The following MGST1 variants were observed in gnomAD, a reference collection of about 807,000 sequenced individuals.
MGST1 encodes glutathione S-transferase 12.
MGST1 carries 5 observed loss-of-function variants against 8.9 expected under a neutral mutation model. The ratio of observed to expected loss-of-function variants is 0.56; its 90% CI spans 0.29 to 1.19. The LOEUF (loss-of-function observed/expected upper bound fraction) is 1.19. Among genes scored for constraint, MGST1 ranks in the 50% most tolerant of loss-of-function variants. The pLI is 0.08. For missense variants in MGST1, 182 were observed against 187.4 expected (o/e 0.97, Z 0.17); for synonymous variants, 54 against 67.8 (o/e 0.80, Z 1.00).
intron 4 of MGST1, among the ~76,000 whole-genome samples, chr12:16,521,511 G>A (rs1941648175): frequency 6.6e-6 from 1 of 152,066 alleles, no homozygotes; most frequent in Non-Finnish European, 1.5e-5. Flanking sequence ...GTTTAAGGCA[G>A]TAAAGAGTTT....
At chr12:16,420,990 A>G (rs1940830993) in intron 1 of MGST1, among the ~76,000 whole-genome samples, 1 of 152,146 alleles carries the variant, frequency 6.6e-6, no homozygotes, top group Non-Finnish European at 1.5e-5. Flanking sequence ...CGTCTCTGCA[A>G]TTGGTCTCAA....
rs775022234 is a variant in MGST1, at chr12:16,354,272, T to C, written c.20T>C (p.Val7Ala). Reference sequence around the variant, plus strand: ...GAAAAAATGGTTGACCTCACCCAGGTAATGGATGATGAAGTATTCATGGCT... The same window carrying C: ...GAAAAAATGGTTGACCTCACCCAGGCAATGGATGATGAAGTATTCATGGCT... MVDLTQ[V>A]MDDEVFMAFA... is the part of the protein sequence containing the mutation. The change falls in exon 2 of 4, where the codon GTA (valine) becomes GCA (alanine). Residue 7 changes from valine (V) to alanine (A), a missense_variant. Physicochemically the swap from Val to Ala is moderately conservative, Grantham distance 64 (BLOSUM62 0). Transcript: ENST00000396210. 1 of 1,602,744 alleles carries C rather than the reference T, an allele frequency of 6.2e-7. No homozygotes were observed. Among genetic ancestry groups the C allele is most frequent in the Non-Finnish European group, 8.5e-7 (1 of 1,176,768 alleles).
At chr12:16,495,934 C>T (rs187813800) in intron 4 of MGST1, among the ~76,000 whole-genome samples, 15 of 152,022 alleles carry the variant, frequency 9.9e-5, no homozygotes, top group Admixed American at 1.3e-4. Flanking sequence ...TAATTATAGT[C>T]CCCTTTCCTT....
At chr12:16,381,652 T>C (rs1244101986), downstream of MGST1, among the ~76,000 whole-genome samples, 1 of 152,168 alleles carries the variant, frequency 6.6e-6, no homozygotes, top group Non-Finnish European at 1.5e-5. Flanking sequence ...TTTGTGGCAT[T>C]CTCTGTATTT....
rs1943348395 is a variant in MGST1 at position 16,587,230 on chromosome 12, T to G, written n.483-2298T>G. Among the ~76,000 whole-genome samples, 1 of 152,206 alleles carries G rather than the reference T, an allele frequency of 6.6e-6. No individual in the cohort carries two copies. The highest frequency in any genetic ancestry group is 2.4e-5 in the African/African-American group (1 of 41,462). On this transcript the variant is annotated intron_variant and non_coding_transcript_variant, in intron 4 of 4. Transcript: ENST00000538857. The surrounding 1 kb of genome is among the most constrained non-coding windows in gnomAD (Gnocchi z 4.3). ...ATGAAATGAACAAAGTGATTCAGAT[T>G]AAACAGCTCTGACTATCCATTTTAA... is the stretch of plus-strand genomic sequence containing the variant.
chr12:16,484,786 A>ATT (rs1346722042), intron 4 of MGST1, among the ~76,000 whole-genome samples: 1 of 151,000 alleles, frequency 6.6e-6, no homozygotes, highest in Non-Finnish European at 1.5e-5. Flanking sequence ...AACACTGGGG[A>ATT]TTACAATGTG....
chr12:16,484,318 C>T (rs1045704638), intron 4 of MGST1, among the ~76,000 whole-genome samples: 1 of 152,084 alleles, frequency 6.6e-6, no homozygotes, highest in Non-Finnish European at 1.5e-5. Flanking sequence ...TCTGATTGCC[C>T]CAGGAACAGA....
downstream of MGST1, among the ~76,000 whole-genome samples, chr12:16,365,728 T>C (rs1024834): frequency 0.6 from 90,331 of 151,402 alleles, 27,671 homozygotes; most frequent in East Asian, 0.96. Context: ...TGCATGAACA[T>C]GCACGCGTGC....
At position 16,498,650 on chromosome 12, in the gene MGST1, G is replaced by A. The variant is rs77193479; in HGVS notation, n.483-90878G>A. The stretch of plus-strand genomic sequence containing the variant: ...TCTCATTCTTTTGAAGAAATAGGCT[G>A]AGCCCTTGAAGAACAAACATGCCAT... On this transcript the variant is annotated intron_variant and non_coding_transcript_variant, in intron 4 of 4. Coordinates refer to the MGST1 transcript ENST00000538857. Among the ~76,000 whole-genome samples, 324 of 152,282 alleles carry A rather than the reference G, an allele frequency of 2.1e-3. 1 individual carries two copies. The highest frequency in any genetic ancestry group is 0.01 in the Middle Eastern group (3 of 294).
intron 4 of MGST1, among the ~76,000 whole-genome samples, chr12:16,506,878 G>C (rs1941541138): frequency 6.6e-6 from 1 of 152,170 alleles, no homozygotes; most frequent in Admixed American, 6.6e-5. Context: ...AATATGTTTT[G>C]AACAGTTACT....
At chr12:16,409,391 G>A (rs1437080942) in intron 1 of MGST1, among the ~76,000 whole-genome samples, 1 of 152,044 alleles carries the variant, frequency 6.6e-6, no homozygotes, top group Admixed American at 6.6e-5. Context: ...TACCCACAAA[G>A]TATCTTTGTA....
At chr12:16,355,205 T>C (rs953294392) in intron 2 of MGST1, among the ~76,000 whole-genome samples, 2 of 115,898 alleles carry the variant, frequency 1.7e-5, no homozygotes, top group Non-Finnish European at 3.3e-5. Context: ...TCCTTGTTAC[T>C]TTTTTTTTTT....
rs556007557 is a variant in MGST1 at position 16,584,591 on chromosome 12, G to A, written n.483-4937G>A. Among the ~76,000 whole-genome samples, 3 of 152,134 alleles carry A rather than the reference G, an allele frequency of 2.0e-5. No individual in the cohort carries two copies. Among genetic ancestry groups the A allele is most frequent in the Non-Finnish European group, 1.5e-5 (1 of 68,018 alleles). On this transcript the variant is annotated intron_variant and non_coding_transcript_variant, in intron 4 of 4. Coordinates refer to the MGST1 transcript ENST00000538857. This position sits in a 1 kb window ranked among gnomAD's most constrained non-coding sequence, Gnocchi z 5.2. ...ACATTGGCAAGTGGAGGAGTGGGGG[G>A]GGTAAGAGGCCTGTTTAGAGGTGGA... is the stretch of plus-strand genomic sequence containing the variant.
intron 4 of MGST1, among the ~76,000 whole-genome samples, chr12:16,504,754 C>T (rs551035519): frequency 6.6e-6 from 1 of 152,250 alleles, no homozygotes; most frequent in East Asian, 1.9e-4. Context: ...TTAGTTGTCT[C>T]CCTTTTAATT....
chr12:16,527,063 G>T (rs1591752417), intron 4 of MGST1, among the ~76,000 whole-genome samples: 1 of 152,082 alleles, frequency 6.6e-6, no homozygotes, highest in Middle Eastern at 3.4e-3. Context: ...GGTTACAGAT[G>T]AGGGGAGCAA....
At chr12:16,452,427 G>A (rs1941136478) in intron 4 of MGST1, among the ~76,000 whole-genome samples, 1 of 151,442 alleles carries the variant, frequency 6.6e-6, no homozygotes, top group African/African-American at 2.4e-5. Flanking sequence ...AAACTGTTTG[G>A]TTGTCATCAT....
chr12:16,391,139 C>CTTTTTTTTTTTT (rs71054812), intron 1 of MGST1, among the ~76,000 whole-genome samples: 1 of 139,072 alleles, frequency 7.2e-6, no homozygotes, highest in Non-Finnish European at 1.6e-5. Flanking sequence ...TTGCCCACTT[C>CTTTTTTTTTTTT]TTTTTTTTTT....
chr12:16,496,247 G>T (rs182912194), intron 4 of MGST1, among the ~76,000 whole-genome samples: 1 of 152,042 alleles, frequency 6.6e-6, no homozygotes, highest in African/African-American at 2.4e-5. Context: ...GGAGGCAATC[G>T]AAGTGTCTAT....
chr12:16,439,927 AG>A (rs1941025391), downstream of MGST1, among the ~76,000 whole-genome samples: 1 of 151,886 alleles, frequency 6.6e-6, no homozygotes, highest in Admixed American at 6.6e-5. Context: ...TTAACATCAA[AG>A]CTCAAAATTG....
Sources: gnomAD v4.1 joint callset for allele counts (sites outside exome capture counted in the v4.1 genomes callset) on GRCh38, gnomAD v4.1.1 for gene constraint, Gnocchi (gnomAD v3.1) non-coding constraint, MANE v1.5 for transcripts, NCBI Gene and HGNC (gene_info 2026-07-23, HGNC 2026-07-21) for gene names.